Variants in CDYL observed in about 807,000 individuals in gnomAD.
The protein encoded by CDYL is chromodomain Y-like protein.
A neutral mutation model predicts 47.3 loss-of-function variants in CDYL; 8 were observed. The ratio of observed to expected loss-of-function variants is 0.17; its 90% CI spans 0.10 to 0.31. The LOEUF is 0.31. Among genes scored for constraint, CDYL ranks in the 10% least tolerant of loss-of-function variants. The probability of loss-of-function intolerance (pLI) is 1.00; values close to 1 mark genes in which losing one functional copy is unlikely to be tolerated. For missense variants in CDYL, 471 were observed against 701.4 expected (o/e 0.67, Z 3.71); for synonymous variants, 266 against 265.0 (o/e 1.00, Z -0.04).
chr6:4,912,369 T>A (rs1400941719), intron 2 of CDYL, among the ~76,000 whole-genome samples: 1 of 152,102 alleles, frequency 6.6e-6, no homozygotes, highest in African/African-American at 2.4e-5. Context: ...CATCATCATC[T>A]GCACGTGGCC....
At chr6:4,848,429 G>C (rs935635772) in intron 1 of CDYL, among the ~76,000 whole-genome samples, 1 of 152,156 alleles carries the variant, frequency 6.6e-6, no homozygotes, top group Non-Finnish European at 1.5e-5. Context: ...GGAAACAATT[G>C]CTGGTACCTT....
intron 2 of CDYL, among the ~76,000 whole-genome samples, chr6:4,727,571 C>T: frequency 6.6e-6 from 1 of 152,068 alleles, no homozygotes; most frequent in Non-Finnish European, 1.5e-5. Flanking sequence ...TCTGTTCAGT[C>T]ACTATCCCCT....
intron 5 of CDYL, among the ~76,000 whole-genome samples, chr6:4,948,779 C>T (rs977608809): frequency 1.3e-5 from 2 of 152,244 alleles, no homozygotes; most frequent in East Asian, 3.8e-4. Flanking sequence ...GCCTGCATTT[C>T]ACTCGGCGTG....
At chr6:4,913,015 G>A (rs758120790) in intron 2 of CDYL, among the ~76,000 whole-genome samples, 3 of 152,182 alleles carry the variant, frequency 2.0e-5, no homozygotes, top group Admixed American at 6.5e-5. Flanking sequence ...GTGACTTGCC[G>A]GTGAGGTGGA....
chr6:4,868,495 A>G (rs960331668), intron 1 of CDYL, among the ~76,000 whole-genome samples: 6 of 152,038 alleles, frequency 3.9e-5, no homozygotes, highest in Non-Finnish European at 8.8e-5. Context: ...TAGTTTGACT[A>G]TTATGTGTCC....
At chr6:4,875,656 C>CTGGT (rs1039146063) in intron 1 of CDYL, among the ~76,000 whole-genome samples, 7 of 152,086 alleles carry the variant, frequency 4.6e-5, no homozygotes, top group African/African-American at 1.7e-4. Flanking sequence ...TTCACTTTTT[C>CTGGT]TGGTTGGTTG....
intron 2 of CDYL, among the ~76,000 whole-genome samples, chr6:4,719,979 T>C (rs373213724): frequency 1.0e-3 from 152 of 152,364 alleles, no homozygotes; most frequent in African/African-American, 3.4e-3. Flanking sequence ...CCGTAGTCCA[T>C]TTCAACGCTT....
At chr6:4,914,492 G>T (rs1216266429) in intron 2 of CDYL, among the ~76,000 whole-genome samples, 2 of 152,146 alleles carry the variant, frequency 1.3e-5, no homozygotes, top group African/African-American at 4.8e-5. Context: ...GTGTTCTGCC[G>T]CAGTTGAGAC....
intron 1 of CDYL, among the ~76,000 whole-genome samples, chr6:4,846,435 T>C (rs528610823): frequency 6.6e-6 from 1 of 152,330 alleles, no homozygotes; most frequent in African/African-American, 2.4e-5. Flanking sequence ...TAGTTGTGGA[T>C]TTACACTATA....
At chr6:4,803,034 G>A (rs9502239) in intron 1 of CDYL, among the ~76,000 whole-genome samples, 3,769 of 152,090 alleles carry the variant, frequency 0.025, 88 homozygotes, top group East Asian at 0.085. Context: ...TTGCTGTTCT[G>A]TTCCCAGCAG....
intron 4 of CDYL, among the ~76,000 whole-genome samples, chr6:4,940,118 T>C (rs1378446510): frequency 2.0e-5 from 3 of 152,314 alleles, no homozygotes; most frequent in Non-Finnish European, 2.9e-5. Flanking sequence ...ATCTCCTTTG[T>C]TGAACTTGAT....
At chr6:4,778,712 G>A (rs1032562112) in intron 1 of CDYL, among the ~76,000 whole-genome samples, 1 of 152,196 alleles carries the variant, frequency 6.6e-6, no homozygotes, top group Non-Finnish European at 1.5e-5. Context: ...TAGTTCAGGT[G>A]ATAAATTTAA....
chr6:4,720,294 A>T (rs1757344264), intron 2 of CDYL, among the ~76,000 whole-genome samples: 1 of 152,158 alleles, frequency 6.6e-6, no homozygotes, highest in Non-Finnish European at 1.5e-5. Flanking sequence ...AAATTCTTAA[A>T]ACTTAACCAG....
intron 3 of CDYL, among the ~76,000 whole-genome samples, chr6:4,736,452 A>G (rs1705968193): frequency 6.6e-6 from 1 of 152,208 alleles, no homozygotes; most frequent in Non-Finnish European, 1.5e-5. Flanking sequence ...GCAACCTGCC[A>G]AGGACAGACA....
At chr6:4,846,491 G>A (rs1323343565) in intron 1 of CDYL, among the ~76,000 whole-genome samples, 1 of 152,148 alleles carries the variant, frequency 6.6e-6, no homozygotes, top group African/African-American at 2.4e-5. Flanking sequence ...AATATTCTAT[G>A]TAATTGCTTC....
At chr6:4,895,682 C>T (rs967388794) in intron 2 of CDYL, among the ~76,000 whole-genome samples, 3 of 152,106 alleles carry the variant, frequency 2.0e-5, no homozygotes, top group African/African-American at 7.2e-5. Context: ...CCAATGCGAT[C>T]TTGCTGGTTC....
intron 2 of CDYL, among the ~76,000 whole-genome samples, chr6:4,893,786 G>T (rs943751594): frequency 6.6e-6 from 1 of 152,202 alleles, no homozygotes; most frequent in African/African-American, 2.4e-5. Context: ...AAATACAATG[G>T]TGTTGGTTTG....
intron 1 of CDYL, among the ~76,000 whole-genome samples, chr6:4,806,680 C>A (rs148807593): frequency 0.01 from 1,559 of 152,310 alleles, 7 homozygotes; most frequent in South Asian, 0.029. Context: ...TCTTTAGGCT[C>A]CTTCCTTCTG....
intron 5 of CDYL, among the ~76,000 whole-genome samples, chr6:4,944,176 A>G (rs756022868): frequency 2.6e-5 from 4 of 152,204 alleles, no homozygotes; most frequent in African/African-American, 9.6e-5. Flanking sequence ...TAATCCGTTC[A>G]TTATAGTAGT....
Sources: allele counts gnomAD v4.1 joint callset (sites outside exome capture counted in the v4.1 genomes callset), GRCh38; gene constraint gnomAD v4.1.1; transcripts MANE v1.5; gene names NCBI Gene and HGNC (gene_info 2026-07-23, HGNC 2026-07-21).